The following ANO2 variants were observed in gnomAD, a reference collection of about 807,000 sequenced individuals.
The protein encoded by ANO2 is anoctamin-2.
In ANO2, 101 loss-of-function variants were observed where a neutral mutation model predicts 124.2. That is an observed-to-expected ratio of 0.81 (90% CI 0.69 to 0.96). The LOEUF is 0.96. Ranked by LOEUF, ANO2 falls within the 40% of genes least tolerant of loss-of-function variation. The pLI, the probability that ANO2 is intolerant of heterozygous loss-of-function variation, is 0.00. For missense variants in ANO2, 1,293 were observed against 1,274.5 expected (o/e 1.01, Z -0.22); for synonymous variants, 486 against 482.5 (o/e 1.01, Z -0.09).
chr12:5,817,638 G>A (rs1473486685), intron 7 of ANO2, among the ~76,000 whole-genome samples: 1 of 152,090 alleles, frequency 6.6e-6, no homozygotes, highest in African/African-American at 2.4e-5. Flanking sequence ...TTCAGGAAAA[G>A]GAAACAGCAT....
rs1034355864 is a variant in ANO2 at position 5,900,745 on chromosome 12, C to T, written c.534+20295G>A. On this transcript the variant is annotated intron_variant, in intron 3 of 24. Coordinates refer to ENST00000682330, the MANE Select transcript of ANO2 (RefSeq NM_001364791.2). This position sits in a 1 kb window ranked among gnomAD's most constrained non-coding sequence, Gnocchi z 4.2. Reference sequence around the variant, plus strand: ...AATGGCCAAGCACACAGCATCTTCCCAACCTCCCCTCTGGTGCTCAGTCAC... The same window carrying T: ...AATGGCCAAGCACACAGCATCTTCCTAACCTCCCCTCTGGTGCTCAGTCAC... Among the ~76,000 whole-genome samples, 1 of 152,190 alleles carries T rather than the reference C, an allele frequency of 6.6e-6. No individual in the cohort carries two copies. The highest frequency in any genetic ancestry group is 2.4e-5 in the African/African-American group (1 of 41,448).
At chr12:5,930,049 T>C in intron 1 of ANO2, among the ~76,000 whole-genome samples, 1 of 123,612 alleles carries the variant, frequency 8.1e-6, no homozygotes, top group South Asian at 2.7e-4. Context: ...CTTACCAGTC[T>C]TCCTTCCTTA....
At chr12:5,923,947 T>C (rs1941958776) in intron 1 of ANO2, among the ~76,000 whole-genome samples, 1 of 152,204 alleles carries the variant, frequency 6.6e-6, no homozygotes, top group Non-Finnish European at 1.5e-5. Context: ...AAAATGAGAA[T>C]CTCAAACTTG....
At chr12:5,924,794 C>T (rs1408938754) in intron 1 of ANO2, among the ~76,000 whole-genome samples, 1 of 152,170 alleles carries the variant, frequency 6.6e-6, no homozygotes, top group Non-Finnish European at 1.5e-5. Context: ...CTCTTTCCCC[C>T]ACAGCCTGCT....
chr12:5,723,696 T>TA (rs1175011659), intron 14 of ANO2, among the ~76,000 whole-genome samples: 2 of 151,960 alleles, frequency 1.3e-5, no homozygotes, highest in Non-Finnish European at 2.9e-5. Flanking sequence ...CTGTCAAAAA[T>TA]AAAAAATTAA....
chr12:5,896,201 T>C (rs1939774404), intron 3 of ANO2, among the ~76,000 whole-genome samples: 1 of 152,008 alleles, frequency 6.6e-6, no homozygotes, highest in Admixed American at 6.6e-5. Context: ...CACTAAAATC[T>C]CAGAAATAAC....
intron 10 of ANO2, among the ~76,000 whole-genome samples, chr12:5,766,202 G>A (rs908669464): frequency 1.3e-5 from 2 of 152,156 alleles, no homozygotes; most frequent in African/African-American, 4.8e-5. Flanking sequence ...CTACTCCCAA[G>A]TCTATGCCCA....
At chr12:5,647,930 T>C (rs770202380) in intron 14 of ANO2, 129 bp from the exon 15 acceptor site, 7 of 708,978 alleles carry the variant, frequency 9.9e-6, no homozygotes, top group African/African-American at 5.3e-5. Flanking sequence ...TAGTCACTGA[T>C]GCCTTACTCT....
At chr12:5,666,269 A>G (rs1379141049) in intron 14 of ANO2, among the ~76,000 whole-genome samples, 1 of 152,244 alleles carries the variant, frequency 6.6e-6, no homozygotes, top group Non-Finnish European at 1.5e-5. Flanking sequence ...AAATGAAGAG[A>G]GTCTTTCTCT....
intron 7 of ANO2, among the ~76,000 whole-genome samples, chr12:5,825,055 G>C (rs542818019): frequency 6.6e-6 from 1 of 152,268 alleles, no homozygotes; most frequent in African/African-American, 2.4e-5. Flanking sequence ...TTTGGCAGGG[G>C]GACACAGCCA....
rs139157927 is a variant in ANO2 at position 5,727,130 on chromosome 12, G to A, written c.1545+5390C>T. 3.9e-3 allele frequency among the ~76,000 whole-genome samples: 596 copies of A among 152,290 alleles called. 5 individuals carry two copies. The Middle Eastern group carries it at 0.041, about 10-fold the overall frequency. ...TGAATTGTAATCCTCGGTGCTGGAG[G>A]TGGAGACTGGCGGGAGGTGTTTGGA... On this transcript the variant is annotated intron_variant, in intron 14 of 24. Transcript: ENST00000682330.
chr12:5,853,048 T>C (rs1954964738), intron 4 of ANO2, among the ~76,000 whole-genome samples: 1 of 152,020 alleles, frequency 6.6e-6, no homozygotes, highest in South Asian at 2.1e-4. Context: ...CCCTTTCCCC[T>C]AAAATACCTA....
chr12:5,721,864 G>T (rs1386986115), intron 14 of ANO2, among the ~76,000 whole-genome samples: 1 of 152,100 alleles, frequency 6.6e-6, no homozygotes, highest in Admixed American at 6.5e-5. Flanking sequence ...TACCCTTAAG[G>T]TCCCAGCAAC....
intron 20 of ANO2, among the ~76,000 whole-genome samples, chr12:5,588,274 C>T (rs1307279211): frequency 6.6e-6 from 1 of 151,862 alleles, no homozygotes; most frequent in African/African-American, 2.4e-5. Context: ...GGTTTCATTG[C>T]TCTCATTTTT....
chr12:5,598,117 A>G (rs1943751605), intron 20 of ANO2, among the ~76,000 whole-genome samples: 1 of 152,168 alleles, frequency 6.6e-6, no homozygotes, highest in African/African-American at 2.4e-5. Context: ...GCAATTTCCT[A>G]TAACAGAATA....
chr12:5,718,592 C>T (rs1056107146), intron 14 of ANO2, among the ~76,000 whole-genome samples: 16 of 152,188 alleles, frequency 1.1e-4, no homozygotes, highest in Admixed American at 4.6e-4. Context: ...AAATTAGTGC[C>T]AATCATTTTC....
intron 3 of ANO2, among the ~76,000 whole-genome samples, chr12:5,906,182 C>G (rs1940668794): frequency 6.6e-6 from 1 of 152,010 alleles, no homozygotes; most frequent in Non-Finnish European, 1.5e-5. Context: ...GGAGAAGGCA[C>G]CAAGGGCTTC....
At chr12:5,779,366 A>T (rs1952320125) in intron 10 of ANO2, among the ~76,000 whole-genome samples, 1 of 152,240 alleles carries the variant, frequency 6.6e-6, no homozygotes, top group Non-Finnish European at 1.5e-5. Flanking sequence ...CTCAATTTAA[A>T]TAATCTAAAA....
At chr12:5,746,405 C>T (rs1453661397) in intron 11 of ANO2, among the ~76,000 whole-genome samples, 1 of 152,102 alleles carries the variant, frequency 6.6e-6, no homozygotes, top group East Asian at 1.9e-4. Context: ...TCAATTTTAA[C>T]AGAATTCTAG....
Sources: allele counts gnomAD v4.1 joint callset (sites outside exome capture counted in the v4.1 genomes callset), GRCh38; gene constraint gnomAD v4.1.1; non-coding constraint Gnocchi (gnomAD v3.1); transcripts MANE v1.5; gene names NCBI Gene and HGNC (gene_info 2026-07-23, HGNC 2026-07-21).